Variants in DAB1 observed in about 807,000 individuals in gnomAD.
DAB1 encodes DAB adaptor protein 1.
In DAB1, 15 loss-of-function variants were observed where a neutral mutation model predicts 64.6. That is an observed-to-expected ratio of 0.23 (90% confidence interval 0.16 to 0.36). DAB1 has a LOEUF of 0.36. Ranked by LOEUF, DAB1 falls within the 10% of genes least tolerant of loss-of-function variation. The pLI, the probability that DAB1 is intolerant of heterozygous loss-of-function variation, is 1.00. For synonymous variants in DAB1, 235 were observed against 251.9 expected (o/e 0.93, Z 0.64); for missense variants, 596 against 706.7 (o/e 0.84, Z 1.78).
intron 5 of DAB1, among the ~76,000 whole-genome samples, chr1:57,894,806 C>T (rs551046307): frequency 1.1e-4 from 16 of 152,234 alleles, no homozygotes; most frequent in Admixed American, 9.2e-4. Context: ...ACATGAAACA[C>T]GAAACACCCA....
chr1:58,492,564 T>A (rs1237009187), intron 3 of DAB1, among the ~76,000 whole-genome samples: 1 of 151,736 alleles, frequency 6.6e-6, no homozygotes, highest in Non-Finnish European at 1.5e-5. Flanking sequence ...ATAGACACAA[T>A]AAAAAATGAT....
intron 1 of DAB1, among the ~76,000 whole-genome samples, chr1:57,857,840 T>C (rs551921829): frequency 3.1e-4 from 32 of 104,122 alleles, no homozygotes; most frequent in African/African-American, 1.3e-3. Flanking sequence ...TATGGAATCA[T>C]AGAATGTTCA....
intron 4 of DAB1, among the ~76,000 whole-genome samples, chr1:57,104,345 A>G (rs896663730): frequency 1.3e-5 from 2 of 152,178 alleles, no homozygotes; most frequent in Admixed American, 6.5e-5. Flanking sequence ...GAATTGGAAA[A>G]AAAAAAACTA....
chr1:57,950,526 G>A (rs183370346), intron 5 of DAB1, among the ~76,000 whole-genome samples: 1 of 152,194 alleles, frequency 6.6e-6, no homozygotes, highest in East Asian at 1.9e-4. Context: ...TCATTCTCCT[G>A]TTTAAAATCC....
chr1:58,373,041 C>A (rs1345115453), intron 3 of DAB1, among the ~76,000 whole-genome samples: 1 of 152,092 alleles, frequency 6.6e-6, no homozygotes, highest in African/African-American at 2.4e-5. Flanking sequence ...TCTTAATTCT[C>A]TGTGGAAGGA....
intron 6 of DAB1, among the ~76,000 whole-genome samples, chr1:57,695,299 G>GAAA (rs1233856758): frequency 0.013 from 490 of 37,228 alleles, 90 homozygotes; most frequent in African/African-American, 0.025. Flanking sequence ...GGAGAGAGAA[G>GAAA]GAAAGAAAGA....
At chr1:57,974,974 C>T (rs1645885684) in intron 5 of DAB1, among the ~76,000 whole-genome samples, 1 of 152,112 alleles carries the variant, frequency 6.6e-6, no homozygotes. Context: ...TAAAAAAACT[C>T]ACAGCCTACA....
intron 3 of DAB1, among the ~76,000 whole-genome samples, chr1:58,483,795 T>C (rs1645529235): frequency 6.6e-6 from 1 of 152,252 alleles, no homozygotes; most frequent in African/African-American, 2.4e-5. Flanking sequence ...TGACTGTCTC[T>C]GCAAAATTGG....
chr1:57,226,672 A>AAAATATATATATATATATAT (rs747021990), intron 2 of DAB1, among the ~76,000 whole-genome samples: 16 of 136,010 alleles, frequency 1.2e-4, no homozygotes, highest in African/African-American at 4.6e-4. Flanking sequence ...TTAAAAAAAA[A>AAAATATATATATATATATAT]ATATATATAT....
intron 7 of DAB1, among the ~76,000 whole-genome samples, chr1:57,530,470 C>T (rs1644649544): frequency 6.6e-6 from 1 of 151,974 alleles, no homozygotes; most frequent in Non-Finnish European, 1.5e-5. Flanking sequence ...ATCTAGCTTA[C>T]AATGGAATCC....
intron 4 of DAB1, among the ~76,000 whole-genome samples, chr1:58,326,344 G>A (rs1662824407): frequency 1.3e-5 from 2 of 152,274 alleles, no homozygotes; most frequent in African/African-American, 4.8e-5. Flanking sequence ...GCTCTCCCTG[G>A]CTGCAGATGA....
chr1:58,030,404 G>A (rs1388979692), intron 5 of DAB1, among the ~76,000 whole-genome samples: 1 of 152,124 alleles, frequency 6.6e-6, no homozygotes, highest in African/African-American at 2.4e-5. Context: ...TTTTTAAGGT[G>A]AGGAGGCAAA....
intron 9 of DAB1, among the ~76,000 whole-genome samples, chr1:57,048,104 T>C (rs568982841): frequency 3.3e-5 from 5 of 152,308 alleles, no homozygotes; most frequent in African/African-American, 9.6e-5. Flanking sequence ...TATCCTCATT[T>C]TACAGATGAA....
chr1:57,046,507 A>G (rs887805135), intron 9 of DAB1, among the ~76,000 whole-genome samples: 2 of 152,192 alleles, frequency 1.3e-5, no homozygotes, highest in African/African-American at 4.8e-5. Context: ...GAACCTCAAC[A>G]TGATGATTTA....
At chr1:57,428,902 TTG>T (rs1685393489), upstream of DAB1, among the ~76,000 whole-genome samples, 2 of 137,492 alleles carry the variant, frequency 1.5e-5, no homozygotes, top group Admixed American at 7.2e-5. Flanking sequence ...ATTTTTTTTG[TTG>T]TTGTTGTTGT....
intron 5 of DAB1, among the ~76,000 whole-genome samples, chr1:58,061,384 CTG>C (rs1456525761): frequency 2.6e-5 from 4 of 152,198 alleles, no homozygotes; most frequent in Non-Finnish European, 4.4e-5. Flanking sequence ...CTTCTGAGGG[CTG>C]TGAGATGAAT....
At chr1:57,170,841 G>A (rs192265308) in intron 2 of DAB1, among the ~76,000 whole-genome samples, 35 of 152,268 alleles carry the variant, frequency 2.3e-4, no homozygotes, top group African/African-American at 7.7e-4. Flanking sequence ...CGGTATCTGC[G>A]TGGAGATCAC....
intron 1 of DAB1, among the ~76,000 whole-genome samples, chr1:57,368,686 G>C (rs776449212): frequency 4.6e-5 from 7 of 152,128 alleles, no homozygotes; most frequent in Admixed American, 2.0e-4. Flanking sequence ...CCTCTGAGCT[G>C]TTCTAACACT....
chr1:57,956,229 A>G (rs971393232), intron 5 of DAB1, among the ~76,000 whole-genome samples: 4 of 152,158 alleles, frequency 2.6e-5, no homozygotes, highest in African/African-American at 9.7e-5. Context: ...TCAAGGAGAG[A>G]CTAATTATAA....
Sources: allele counts gnomAD v4.1 joint callset (sites outside exome capture counted in the v4.1 genomes callset), GRCh38; gene constraint gnomAD v4.1.1; transcripts MANE v1.5; gene names NCBI Gene and HGNC (gene_info 2026-07-23, HGNC 2026-07-21).